The following PRKN variants were observed in gnomAD, a reference collection of about 807,000 sequenced individuals.
PRKN encodes the protein E3 ubiquitin-protein ligase parkin.
Under a neutral mutation model 59.5 loss-of-function variants are expected in PRKN, and 56 were observed. The observed-to-expected ratio is 0.94, with a 90% CI of 0.76 to 1.18. PRKN has a LOEUF of 1.18. PRKN is among the 50% of genes most tolerant of loss of function. The pLI, the probability that PRKN is intolerant of heterozygous loss-of-function variation, is 0.00. For missense variants in PRKN, 657 were observed against 596.4 expected (o/e 1.10, Z -1.06); for synonymous variants, 250 against 222.1 (o/e 1.13, Z -1.12).
At chr6:161,364,072 G>T (rs938112448) in intron 10 of PRKN, among the ~76,000 whole-genome samples, 2 of 151,552 alleles carry the variant, frequency 1.3e-5, no homozygotes, top group Non-Finnish European at 2.9e-5. Flanking sequence ...AGGAGGCTGA[G>T]GCAGAAGAAT....
intron 6 of PRKN, among the ~76,000 whole-genome samples, chr6:161,915,863 T>G (rs1409529247): frequency 2.0e-5 from 3 of 152,202 alleles, no homozygotes; most frequent in Non-Finnish European, 4.4e-5. Context: ...AGAGAAAGCA[T>G]GCACACAAGA....
intron 4 of PRKN, among the ~76,000 whole-genome samples, chr6:162,069,947 T>C (rs950300536): frequency 6.6e-6 from 1 of 152,174 alleles, no homozygotes; most frequent in African/African-American, 2.4e-5. Context: ...CCAGCCAGTC[T>C]CCAAGAGACT....
At chr6:162,382,716 C>A (rs1389474469) in intron 2 of PRKN, among the ~76,000 whole-genome samples, 1 of 152,158 alleles carries the variant, frequency 6.6e-6, no homozygotes, top group Non-Finnish European at 1.5e-5. Context: ...CACTGATTGG[C>A]TCTTTCTTTC....
chr6:161,496,184 G>A (rs1562486430), intron 9 of PRKN, among the ~76,000 whole-genome samples: 1 of 152,236 alleles, frequency 6.6e-6, no homozygotes, highest in Non-Finnish European at 1.5e-5. Context: ...GTTCCTGTTA[G>A]AGAGCATCAG....
intron 7 of PRKN, among the ~76,000 whole-genome samples, chr6:161,607,475 A>G (rs1270533672): frequency 6.6e-6 from 1 of 152,190 alleles, no homozygotes; most frequent in Non-Finnish European, 1.5e-5. Flanking sequence ...CTTTGAATAG[A>G]TAAGATAATG....
At chr6:162,105,709 T>C (rs976007991) in intron 4 of PRKN, among the ~76,000 whole-genome samples, 4 of 152,190 alleles carry the variant, frequency 2.6e-5, no homozygotes, top group East Asian at 1.9e-4. Flanking sequence ...CCAGATATTC[T>C]TAACTATAAC....
chr6:161,679,391 A>C (rs534112503), intron 7 of PRKN, among the ~76,000 whole-genome samples: 7 of 152,132 alleles, frequency 4.6e-5, no homozygotes, highest in African/African-American at 1.7e-4. Context: ...CTAGGCTGGA[A>C]ACACCTGGGA....
At chr6:162,136,957 A>T (rs934075083) in intron 4 of PRKN, among the ~76,000 whole-genome samples, 2 of 151,840 alleles carry the variant, frequency 1.3e-5, no homozygotes, top group Non-Finnish European at 2.9e-5. Context: ...AAAAATATTT[A>T]AAAATAATTA....
chr6:161,738,447 T>G (rs1788056123), intron 7 of PRKN, among the ~76,000 whole-genome samples: 1 of 152,166 alleles, frequency 6.6e-6, no homozygotes, highest in Non-Finnish European at 1.5e-5. Flanking sequence ...ACGTGAAAAG[T>G]CACTGAAATG....
intron 5 of PRKN, among the ~76,000 whole-genome samples, chr6:162,006,388 T>C (rs1377948147): frequency 6.6e-6 from 1 of 152,190 alleles, no homozygotes; most frequent in Admixed American, 6.5e-5. Context: ...CATTCAACAT[T>C]GTGCACTCAA....
chr6:162,183,715 T>G (rs1268555770), intron 4 of PRKN, among the ~76,000 whole-genome samples: 2 of 152,174 alleles, frequency 1.3e-5, no homozygotes, highest in Non-Finnish European at 2.9e-5. Flanking sequence ...GCAAGGCCTG[T>G]CTGATTTCTA....
chr6:162,083,471 G>A (rs769618725), intron 4 of PRKN, among the ~76,000 whole-genome samples: 3 of 151,964 alleles, frequency 2.0e-5, no homozygotes, highest in East Asian at 1.9e-4. Flanking sequence ...AGTGAGGTGC[G>A]CCTGTACTGT....
At chr6:161,664,451 C>T (rs918722237) in intron 7 of PRKN, among the ~76,000 whole-genome samples, 6 of 152,100 alleles carry the variant, frequency 3.9e-5, no homozygotes, top group Non-Finnish European at 8.8e-5. Flanking sequence ...CCTATCTGTT[C>T]GAGTAACTGT....
chr6:162,025,580 G>A (rs918320937), intron 5 of PRKN, among the ~76,000 whole-genome samples: 8 of 74,532 alleles, frequency 1.1e-4, no homozygotes, highest in Non-Finnish European at 1.7e-4. Context: ...CATATCCATG[G>A]TGCTTTTTTT....
At chr6:162,191,544 G>C (rs1311928065) in intron 4 of PRKN, among the ~76,000 whole-genome samples, 1 of 152,190 alleles carries the variant, frequency 6.6e-6, no homozygotes, top group Non-Finnish European at 1.5e-5. Flanking sequence ...CTGGGTTCAA[G>C]TGATTCTCCT....
intron 3 of PRKN, among the ~76,000 whole-genome samples, chr6:162,252,014 G>T (rs780507079): frequency 6.6e-6 from 1 of 152,102 alleles, no homozygotes; most frequent in South Asian, 2.1e-4. Flanking sequence ...AAGTCAAAAG[G>T]TCGAAATTGC....
intron 1 of PRKN, among the ~76,000 whole-genome samples, chr6:162,601,523 A>G (rs955297816): frequency 3.3e-5 from 5 of 152,092 alleles, no homozygotes; most frequent in African/African-American, 4.8e-5. Context: ...TTCCGTGGAC[A>G]TATGTTTTCG....
intron 9 of PRKN, among the ~76,000 whole-genome samples, chr6:161,426,844 G>A (rs528490012): frequency 2.0e-4 from 30 of 151,346 alleles, no homozygotes; most frequent in African/African-American, 5.6e-4. Context: ...TCAGCCTTCC[G>A]AGTAGCTGGG....
At chr6:162,025,216 C>T (rs940368094) in intron 5 of PRKN, among the ~76,000 whole-genome samples, 3 of 151,856 alleles carry the variant, frequency 2.0e-5, no homozygotes, top group African/African-American at 4.8e-5. Context: ...GGGGTTTCAC[C>T]GTGGTCTCGA....
Sources: gnomAD v4.1 joint callset for allele counts (sites outside exome capture counted in the v4.1 genomes callset) on GRCh38, gnomAD v4.1.1 for gene constraint, MANE v1.5 for transcripts, NCBI Gene and HGNC (gene_info 2026-07-23, HGNC 2026-07-21) for gene names.